Variants in WDR97 observed in about 807,000 individuals in gnomAD.
WDR97 encodes WD repeat-containing protein 97.
In WDR97, 111 loss-of-function variants were observed where a neutral mutation model predicts 65.4. That is an observed-to-expected ratio of 1.70 (90% CI 1.45 to 1.99). The LOEUF is 1.99. Among genes scored for constraint, WDR97 ranks in the 30% most tolerant of loss-of-function variants. The pLI, the probability that WDR97 is intolerant of heterozygous loss-of-function variation, is 0.00. For missense variants in WDR97, 1,674 were observed against 865.0 expected (o/e 1.94, Z -11.73); for synonymous variants, 802 against 397.7 (o/e 2.02, Z -12.10).
chr8:144,115,876 C>T lies in WDR97; in HGVS notation c.4595+18C>T, dbSNP rs1836645889. On this transcript the variant is annotated intron_variant, in intron 22 of 23. Coordinates refer to ENST00000323662, the MANE Select transcript of WDR97 (RefSeq NM_001316309.2). The stretch of plus-strand genomic sequence containing the variant: ...GAGCACTGGTGCGCGGGGCCTGCGC[C>T]GGCGGGGCCTGCGTGGGGCAGCCAA... The T allele has an allele frequency of 1.4e-6, 1 of 695,532 alleles. No homozygotes were observed. Among genetic ancestry groups the T allele is most frequent in the African/African-American group, 1.8e-5 (1 of 57,012 alleles). 43.1% of individuals were successfully genotyped at this position (695,532 alleles called of 1,614,324 possible). A position where few individuals can be genotyped will look rare whatever the true frequency, so the allele number is the denominator to read the frequency against.
rs1205384456 is a variant in WDR97, at chr8:144,110,919, G to A, written c.2227G>A (p.Asp743Asn). 1 of 702,846 alleles carries A rather than the reference G, an allele frequency of 1.4e-6. No homozygotes were observed. The highest frequency in any genetic ancestry group is 2.6e-6 in the Non-Finnish European group (1 of 384,990). The allele number at this position is 702,846 out of a possible 1,614,324, so 43.5% of individuals were successfully genotyped here. A position where few individuals can be genotyped will look rare whatever the true frequency, so the allele number is the denominator to read the frequency against. Residue 743 changes from aspartate to asparagine, a missense_variant, in exon 9 of 24, where the codon GAC becomes AAC. Physicochemically the swap from Asp to Asn is conservative, Grantham distance 23. Transcript: ENST00000323662. ...QALAFCSNSG[D>N]LVLALGSRLC... Reference sequence around the variant, plus strand: ...CCTGGCTTTCTGCAGCAACAGTGGAGACCTGGTGCTGGCGCTGGGATCCCG... The same window carrying A: ...CCTGGCTTTCTGCAGCAACAGTGGAAACCTGGTGCTGGCGCTGGGATCCCG...
chr8:144,113,899 G>A lies in WDR97; in HGVS notation c.3408+18G>A, dbSNP rs1301404216. 5 of 685,776 alleles carry A rather than the reference G, an allele frequency of 7.3e-6. No individual in the cohort carries two copies. The highest frequency in any genetic ancestry group is 3.1e-5 in the South Asian group (2 of 65,560). The allele number at this position is 685,776 out of a possible 1,614,324, so 42.5% of individuals were successfully genotyped here. The stretch of plus-strand genomic sequence containing the variant: ...AGGATCAGGTAGAGGCTCAGGCAGA[G>A]GCCCCAGGCCACCACGGGAGGTGGG... On this transcript the variant is annotated intron_variant, in intron 17 of 23. Transcript: ENST00000323662.
rs1351289214 is a variant in WDR97 at position 144,112,497 on chromosome 8, G to A, written c.3072G>A (p.Arg1024=). 4.3e-6 allele frequency: 3 copies of A among 702,618 alleles called. No individual in the cohort carries two copies. Among genetic ancestry groups the A allele is most frequent in the African/African-American group, 1.7e-5 (1 of 57,328 alleles). 43.5% of individuals were successfully genotyped at this position (702,618 alleles called of 1,614,324 possible). The change falls in exon 15 of 24, where the codon AGG becomes AGA. Residue 1024 remains arginine, a synonymous_variant. Coordinates refer to ENST00000323662, the MANE Select transcript of WDR97 (RefSeq NM_001316309.2). ...ACAAGGAACCTCTCTCTAGCCTCAG[G>A]GGCTTCTTTCCTGCCACCGTGCAGC... ...RWDKEPLSSL[R]GFFPATVQPH...
In WDR97 at chr8:144,114,866, C is replaced by T. The variant is rs1836620252; in HGVS notation, c.4032C>T (p.Arg1344=). 1.4e-6 allele frequency: 1 copy of T among 702,010 alleles called. No homozygotes were observed. Among genetic ancestry groups the T allele is most frequent in the East Asian group, 2.7e-5 (1 of 37,288 alleles). The allele number at this position is 702,010 out of a possible 1,614,324, so 43.5% of individuals were successfully genotyped here. The change falls in exon 21 of 24, where the codon CGC becomes CGT. Residue 1344 remains arginine, a synonymous_variant. Coordinates refer to ENST00000323662, the MANE Select transcript of WDR97 (RefSeq NM_001316309.2). ...ACCTGGACTCCAAGGCCGGCCTGCG[C>T]ACTTGCTGCCACCAGAAACTGGAGG... ...GPDLDSKAGL[R]TCCHQKLEDM... is the part of the protein sequence containing the mutation.
chr8:144,114,275 C>T lies in WDR97; in HGVS notation c.3595-3C>T, dbSNP rs972580330. 3 of 700,178 alleles carry T rather than the reference C, an allele frequency of 4.3e-6. No homozygotes were observed. Among genetic ancestry groups the T allele is most frequent in the Non-Finnish European group, 7.8e-6 (3 of 382,932 alleles). The allele number at this position is 700,178 out of a possible 1,614,324, so 43.4% of individuals were successfully genotyped here. A position where few individuals can be genotyped will look rare whatever the true frequency, so the allele number is the denominator to read the frequency against. On this transcript the variant is annotated splice_polypyrimidine_tract_variant and splice_region_variant and intron_variant, in intron 18 of 23. Transcript: ENST00000323662. Reference sequence around the variant, plus strand: ...AGCAGGGCCTCAGCATGCTACCCTGCAGGCATACCCGGAGGCGGGCACGAT... The same window carrying T: ...AGCAGGGCCTCAGCATGCTACCCTGTAGGCATACCCGGAGGCGGGCACGAT...
intron 21 of WDR97, among the ~76,000 whole-genome samples, chr8:144,115,140 A>C (rs570913675): frequency 6.6e-6 from 1 of 152,174 alleles, no homozygotes. Flanking sequence ...CCTCCTTGTC[A>C]GGGGAGTGGC....
Position 144,116,071 on chromosome 8 carries a change from A to G in WDR97, c.4667-20A>G. Reference sequence around the variant, plus strand: ...ACCCACCCCAGCCCCCGGGCCTCATAAGCCTCCGCCCGCCCCCAGGCCCCA... The same window carrying G: ...ACCCACCCCAGCCCCCGGGCCTCATGAGCCTCCGCCCGCCCCCAGGCCCCA... On this transcript the variant is annotated intron_variant, in intron 23 of 23. Coordinates refer to ENST00000323662, the MANE Select transcript of WDR97 (RefSeq NM_001316309.2). The G allele has an allele frequency of 3.0e-6, 2 of 673,028 alleles. No individual in the cohort carries two copies. The highest frequency in any genetic ancestry group is 5.4e-6 in the Non-Finnish European group (2 of 371,842). The allele number at this position is 673,028 out of a possible 1,614,324, so 41.7% of individuals were successfully genotyped here.
chr8:144,114,224 A>G, intron 18 of WDR97, 54 bp from the exon 19 acceptor site: 1 of 694,414 alleles, frequency 1.4e-6, no homozygotes, highest in Non-Finnish European at 2.6e-6. Context: ...GGGAGAAGGT[A>G]GGGGCTGGCT....
In WDR97 at chr8:144,115,539, C is replaced by T. The variant is rs1836634036; in HGVS notation, c.4276C>T (p.Arg1426Cys). ...GGCCCAGCGGATGCTGGCACCCAAG[C>T]GCAGCTGGGGGACCCCTCAGCTCCG... ...LQAQRMLAPKRSWGTPQLRLR... is the reference protein window; with the variant it reads ...LQAQRMLAPKCSWGTPQLRLR... The change falls in exon 22 of 24, where the codon CGC becomes TGC. Residue 1426 changes from arginine (R) to cysteine (C), a missense_variant. Coordinates refer to ENST00000323662, the MANE Select transcript of WDR97 (RefSeq NM_001316309.2). 1.4e-6 allele frequency: 1 copy of T among 697,240 alleles called. No individual in the cohort carries two copies. 43.2% of individuals were successfully genotyped at this position (697,240 alleles called of 1,614,324 possible).
rs1836615649 is a variant in WDR97, at chr8:144,114,653, C to T, written c.3892C>T (p.Leu1298Phe). Residue 1298 changes from leucine to phenylalanine, a missense_variant, in exon 20 of 24, where the codon CTC (leucine) becomes TTC (phenylalanine). By Grantham distance (22) the Leu-to-Phe change is conservative (BLOSUM62 0). Coordinates refer to ENST00000323662, the MANE Select transcript of WDR97 (RefSeq NM_001316309.2). ...DVVLELMSYF[L>F]YSPVHCRPEL... Reference sequence around the variant, plus strand: ...GGTGCTGGAGCTCATGTCCTACTTCCTCTACTCTCCCGTGCACTGCCGGTG... The same window carrying T: ...GGTGCTGGAGCTCATGTCCTACTTCTTCTACTCTCCCGTGCACTGCCGGTG... 1 of 702,746 alleles carries T rather than the reference C, an allele frequency of 1.4e-6. No homozygotes were observed. The highest frequency in any genetic ancestry group is 1.5e-5 in the South Asian group (1 of 67,604). The allele number at this position is 702,746 out of a possible 1,614,324, so 43.5% of individuals were successfully genotyped here.
chr8:144,116,102 T>A lies in WDR97; in HGVS notation c.4678T>A (p.Ser1560Thr). 1 of 578,266 alleles carries A rather than the reference T, an allele frequency of 1.7e-6. No individual in the cohort carries two copies. Among genetic ancestry groups the A allele is most frequent in the South Asian group, 1.5e-5 (1 of 65,094 alleles). 35.8% of individuals were successfully genotyped at this position (578,266 alleles called of 1,614,324 possible). ...SAMRLRGPMR[S>T]RLCAGRTLDG... ...CCGCCCGCCCCCAGGCCCCATGCGG[T>A]CCCGGCTCTGTGCGGGCCGCACCCT... is the stretch of plus-strand genomic sequence containing the variant. The change falls in exon 24 of 24, where the codon TCC (serine) becomes ACC (threonine). Residue 1560 changes from serine to threonine, a missense_variant. Transcript: ENST00000323662.
Position 144,109,744 on chromosome 8 carries a change from G to C in WDR97, c.1410G>C (p.Leu470=). 2 of 681,154 alleles carry C rather than the reference G, an allele frequency of 2.9e-6. No individual in the cohort carries two copies. The highest frequency in any genetic ancestry group is 5.3e-6 in the Non-Finnish European group (2 of 376,540). The allele number at this position is 681,154 out of a possible 1,614,324, so 42.2% of individuals were successfully genotyped here. A position where few individuals can be genotyped will look rare whatever the true frequency, so the allele number is the denominator to read the frequency against. Residue 470 remains leucine, a synonymous_variant, in exon 5 of 24, where the codon CTG becomes CTC. Transcript: ENST00000323662. ...AATGRIVSSL[L]LEPEDCAAAV... ...CCGGGCGCATAGTGAGCTCACTGCT[G>C]CTGGAGCCGGAGGACTGCGCGGCAG...
rs1239228281 is a variant in WDR97 at position 144,116,146 on chromosome 8, G to T, written c.4722G>T (p.Thr1574=). The T allele has an allele frequency of 2.9e-6, 2 of 697,176 alleles. No homozygotes were observed. Among genetic ancestry groups the T allele is most frequent in the Non-Finnish European group, 5.2e-6 (2 of 382,218 alleles). The allele number at this position is 697,176 out of a possible 1,614,324, so 43.2% of individuals were successfully genotyped here. The change falls in exon 24 of 24, where the codon ACG becomes ACT. Residue 1574 remains threonine (T), a synonymous_variant. Transcript: ENST00000323662. The part of the protein sequence containing the change: ...AGRTLDGPIR[T]LKLPLPRVEP... Reference sequence around the variant, plus strand: ...GCACCCTGGACGGCCCCATCCGGACGCTGAAGCTGCCGTTGCCGCGTGTGG... The same window carrying T: ...GCACCCTGGACGGCCCCATCCGGACTCTGAAGCTGCCGTTGCCGCGTGTGG...
chr8:144,110,416 C>CCTG lies in WDR97; in HGVS notation c.1925_1927dup (p.Cys642dup). The CCTG allele has an allele frequency of 2.8e-6, 2 of 703,034 alleles. No individual in the cohort carries two copies. Among genetic ancestry groups the CCTG allele is most frequent in the Non-Finnish European group, 5.2e-6 (2 of 384,986 alleles). 43.5% of individuals were successfully genotyped at this position (703,034 alleles called of 1,614,324 possible). A position where few individuals can be genotyped will look rare whatever the true frequency, so the allele number is the denominator to read the frequency against. Reference sequence around the variant, plus strand: ...AGCCTGAGCCTGCTGCGCACCTTCTCCTGCTGCTACCCGGCCGTGGCGCTC... The same window carrying CCTG: ...AGCCTGAGCCTGCTGCGCACCTTCTCCTGCTGCTGCTACCCGGCCGTGGCGCTC... On this transcript the variant is annotated inframe_insertion, in exon 7 of 24. Transcript: ENST00000323662.
chr8:144,110,864 G>T lies in WDR97; in HGVS notation c.2172G>T (p.Arg724=), dbSNP rs1255952016. ...TCGGCTGCCCTGGGTGCCTCTCCAG[G>T]CTCCTGCAGCTGAATGGTGCCCCTC... The part of the protein sequence containing the change: ...RIWTAENRLL[R]LLQLNGAPQA... Residue 724 remains arginine, a splice_region_variant and synonymous_variant, in exon 9 of 24, where the codon CGG becomes CGT. Coordinates refer to ENST00000323662, the MANE Select transcript of WDR97 (RefSeq NM_001316309.2). 2 of 702,740 alleles carry T rather than the reference G, an allele frequency of 2.8e-6. No individual in the cohort carries two copies. Among genetic ancestry groups the T allele is most frequent in the African/African-American group, 1.7e-5 (1 of 57,234 alleles). 43.5% of individuals were successfully genotyped at this position (702,740 alleles called of 1,614,324 possible). A position where few individuals can be genotyped will look rare whatever the true frequency, so the allele number is the denominator to read the frequency against.
intron 18 of WDR97, 50 bp downstream of exon 18, chr8:144,114,212 A>AG (rs1491340447): frequency 1.4e-6 from 1 of 695,390 alleles, no homozygotes; most frequent in Admixed American, 2.0e-5. Flanking sequence ...GGTGAGGGAC[A>AG]GGGGAGAAGG....
chr8:144,111,393 C>G (rs564376649), intron 10 of WDR97, 33 bp from the exon 11 acceptor site: 1 of 702,836 alleles, frequency 1.4e-6, no homozygotes, highest in South Asian at 1.5e-5. Flanking sequence ...GCATGCCACC[C>G]AGCATCCCAC....
rs756057223 is a variant in WDR97, at chr8:144,108,391, G to C, written c.325G>C (p.Gly109Arg). 10 of 697,792 alleles carry C rather than the reference G, an allele frequency of 1.4e-5. No individual in the cohort carries two copies. The South Asian group carries it at 1.5e-4, about 10-fold the overall frequency. 43.2% of individuals were successfully genotyped at this position (697,792 alleles called of 1,614,324 possible). ...ACTGCGCCGCCTGGAGGTGGCAGCC[G>C]GGCTGCGCTCGGTGGCGCAGGACCC... ...EPLRRLEVAA[G>R]LRSVAQDPVG... Residue 109 changes from glycine (G) to arginine (R), a missense_variant, in exon 3 of 24, where the codon GGG becomes CGG. By Grantham distance (125) the Gly-to-Arg change is moderately radical. Coordinates refer to ENST00000323662, the MANE Select transcript of WDR97 (RefSeq NM_001316309.2).
At position 144,114,362 on chromosome 8, in the gene WDR97, C is replaced by T. The variant is rs1836608590; in HGVS notation, c.3679C>T (p.His1227Tyr). The change falls in exon 19 of 24, where the codon CAC becomes TAC. Residue 1227 changes from histidine to tyrosine, a missense_variant. By Grantham distance (83) the His-to-Tyr change is moderately conservative. Coordinates refer to ENST00000323662, the MANE Select transcript of WDR97 (RefSeq NM_001316309.2). ...GAAGACCACGTGGGTCGACCGTGTG[C>T]ACATCCTGCAGGTGCTACTGAGACT... ...LEKTTWVDRV[H>Y]ILQVLLRLLP... 2.8e-6 allele frequency: 2 copies of T among 702,672 alleles called. No homozygotes were observed. The highest frequency in any genetic ancestry group is 3.0e-5 in the South Asian group (2 of 67,608). The allele number at this position is 702,672 out of a possible 1,614,324, so 43.5% of individuals were successfully genotyped here.
Sources: allele counts gnomAD v4.1 joint callset (sites outside exome capture counted in the v4.1 genomes callset), GRCh38; gene constraint gnomAD v4.1.1; transcripts MANE v1.5; gene names NCBI Gene and HGNC (gene_info 2026-07-23, HGNC 2026-07-21).